The following PPP1R12B variants were observed in gnomAD, a reference collection of about 807,000 sequenced individuals.
The protein encoded by PPP1R12B is myosin phosphatase target subunit 2.
In PPP1R12B, 76 loss-of-function variants were observed where a neutral mutation model predicts 126.1. The observed-to-expected ratio is 0.60, with a 90% CI of 0.50 to 0.73. PPP1R12B has a LOEUF of 0.73. Ranked by LOEUF, PPP1R12B falls within the 30% of genes least tolerant of loss-of-function variation. PPP1R12B has a pLI of 0.00. For missense variants in PPP1R12B, 1,052 were observed against 1,205.1 expected, an observed-to-expected ratio of 0.87 and a Z score of 1.88; for synonymous variants, 356 against 434.7, an observed-to-expected ratio of 0.82 and a Z score of 2.25.
At chr1:202,349,200 T>C in intron 1 of PPP1R12B, 58 bp downstream of exon 1, 1 of 1,588,248 alleles carries the variant, frequency 6.3e-7, no homozygotes, top group Non-Finnish European at 8.6e-7. Flanking sequence ...CCTTTGACCC[T>C]GCGAGCCACC....
chr1:202,504,605 G>A (rs556606444), intron 18 of PPP1R12B, among the ~76,000 whole-genome samples: 1 of 152,264 alleles, frequency 6.6e-6, no homozygotes, highest in East Asian at 1.9e-4. Context: ...TACCTTGCTA[G>A]TGTCACATAG....
rs374888252 is a variant in PPP1R12B at position 202,527,104 on chromosome 1, A to C, written c.2490+30282A>C. Among the ~76,000 whole-genome samples the C allele has an allele frequency of 4.5e-4, 67 of 149,944 alleles. 2 individuals are homozygous for C. Among genetic ancestry groups the C allele is most frequent in the African/African-American group, 1.7e-3 (66 of 39,280 alleles). On this transcript the variant is annotated intron_variant, in intron 18 of 23. Transcript: ENST00000608999. ...TAAAAGCAGAAATTAATGAACAGAA[A>C]ACAGAATAGCAGTAGAAATAGTGTT...
intron 10 of PPP1R12B, chr1:202,439,525 TG>T: frequency 2.6e-6 from 4 of 1,531,222 alleles, no homozygotes; most frequent in Non-Finnish European, 3.6e-6. Flanking sequence ...GCTGTTGCCT[TG>T]GGGGGTGTGG....
At chr1:202,482,276 T>C (rs1352224747) in intron 13 of PPP1R12B, among the ~76,000 whole-genome samples, 6 of 152,232 alleles carry the variant, frequency 3.9e-5, no homozygotes, top group Non-Finnish European at 7.3e-5. Context: ...CTGAATCATA[T>C]GGTAGTTCTA....
At chr1:202,517,578 G>T (rs1682301910) in intron 18 of PPP1R12B, among the ~76,000 whole-genome samples, 2 of 152,060 alleles carry the variant, frequency 1.3e-5, no homozygotes, top group African/African-American at 4.8e-5. Context: ...ATAAGAAAAA[G>T]TGTGTAACCT....
intron 12 of PPP1R12B, among the ~76,000 whole-genome samples, chr1:202,446,914 A>T (rs1297910357): frequency 6.6e-6 from 1 of 152,064 alleles, no homozygotes; most frequent in Non-Finnish European, 1.5e-5. Context: ...GGGTTGCCTG[A>T]TGGTCCAGAA....
Position 202,558,906 on chromosome 1 carries a change from C to T in PPP1R12B, c.2507+13C>T. The T allele has an allele frequency of 1.9e-6, 3 of 1,583,108 alleles. No individual in the cohort carries two copies. The highest frequency in any genetic ancestry group is 2.6e-6 in the Non-Finnish European group (3 of 1,160,912). On this transcript the variant is annotated intron_variant, in intron 19 of 23. Transcript: ENST00000608999. ...AAAGACTTTCTAGGTAAGAACTCTC[C>T]CTGTTATATATGCATGCTTAATACT... is the stretch of plus-strand genomic sequence containing the variant.
chr1:202,502,158 A>G, intron 18 of PPP1R12B: 1 of 985,284 alleles, frequency 1.0e-6, no homozygotes, highest in South Asian at 4.7e-5. Flanking sequence ...GTCCCCATCC[A>G]GAATGCAATC....
At position 202,428,714 on chromosome 1, in the gene PPP1R12B, A is replaced by G. The variant is rs1669852553; in HGVS notation, c.847-141A>G. On this transcript the variant is annotated intron_variant, in intron 5 of 23. Coordinates refer to ENST00000608999, the MANE Select transcript of PPP1R12B (RefSeq NM_002481.4). ...GTGTGATAGATGAAGGTGTTATCAT[A>G]ATGTATGGTAGATTAGTTTGAAAAG... The G allele has an allele frequency of 4.5e-6, 3 of 663,602 alleles. No individual in the cohort carries two copies. In the African/African-American group the frequency reaches 5.6e-5, roughly 12 times the overall value. The allele number at this position is 663,602 out of a possible 1,614,324, so 41.1% of individuals were successfully genotyped here.
In PPP1R12B at chr1:202,452,687, T is replaced by C. The variant is rs1290027209; in HGVS notation, c.1850+3516T>C. Among the ~76,000 whole-genome samples the C allele has an allele frequency of 2.6e-5, 4 of 152,228 alleles. No individual in the cohort carries two copies. The East Asian group carries it at 5.8e-4, about 22-fold the overall frequency. On this transcript the variant is annotated intron_variant, in intron 13 of 23. Transcript: ENST00000608999. ...AGTGCTAGTGACTTTTGTATGTTGA[T>C]TTTGAATTCTGCAACTTTATTGAAT... is the stretch of plus-strand genomic sequence containing the variant.
chr1:202,558,086 A>G (rs999419402), intron 18 of PPP1R12B, among the ~76,000 whole-genome samples: 3 of 152,058 alleles, frequency 2.0e-5, no homozygotes, highest in African/African-American at 4.8e-5. Context: ...TCAGAAAGGG[A>G]AATAATTAAG....
chr1:202,380,080 T>C (rs1661987188), intron 1 of PPP1R12B, among the ~76,000 whole-genome samples: 1 of 152,162 alleles, frequency 6.6e-6, no homozygotes, highest in Non-Finnish European at 1.5e-5. Flanking sequence ...TCATTTGTTA[T>C]TTGCCATCTC....
At chr1:202,371,481 AGT>A (rs373210842) in intron 1 of PPP1R12B, among the ~76,000 whole-genome samples, 46 of 148,398 alleles carry the variant, frequency 3.1e-4, no homozygotes, top group South Asian at 1.1e-3. Flanking sequence ...CATTATTTGG[AGT>A]GTGTGTGTGT....
Position 202,574,852 on chromosome 1 carries a change from C to T in PPP1R12B, c.2863-5622C>T, listed in dbSNP as rs553547708. 3.2e-4 allele frequency: 235 copies of T among 731,222 alleles called. No homozygotes were observed. The African/African-American group carries it at 3.6e-3, about 11-fold the overall frequency. The allele number at this position is 731,222 out of a possible 1,614,324, so 45.3% of individuals were successfully genotyped here. A position where few individuals can be genotyped will look rare whatever the true frequency, so the allele number is the denominator to read the frequency against. ...CACCTGCCACCCATTTGCTCCATGA[C>T]TCCTGCCTTTCTCATTTCCTTTCTT... On this transcript the variant is annotated intron_variant, in intron 23 of 23. Transcript: ENST00000608999.
chr1:202,387,213 C>T (rs559135956), intron 1 of PPP1R12B, among the ~76,000 whole-genome samples: 8 of 152,212 alleles, frequency 5.3e-5, no homozygotes, highest in African/African-American at 1.9e-4. Flanking sequence ...TGCCATTCAG[C>T]CTTAAGTTGG....
chr1:202,353,586 TTGTGTGTGTGTGTGTGTGTGTG>T (rs58683662), intron 1 of PPP1R12B, among the ~76,000 whole-genome samples: 1 of 120,786 alleles, frequency 8.3e-6, no homozygotes, highest in Non-Finnish European at 1.7e-5. Context: ...TTCTTCTTCT[TTGTGTGTGTGTGTGTGTGTGTG>T]TGTGTGTGTG....
chr1:202,540,260 TTACG>T lies in PPP1R12B; in HGVS notation c.2491-18614_2491-18611del, dbSNP rs780850680. ...GCTCCGAGTAAGCAGCATTTTTTAT[TTACG>T]TATGTTCATAGCTGTGTCAAAGGTA... On this transcript the variant is annotated intron_variant, in intron 18 of 23. Coordinates refer to ENST00000608999, the MANE Select transcript of PPP1R12B (RefSeq NM_002481.4). The T allele has an allele frequency of 5.2e-6, 8 of 1,538,986 alleles. No individual in the cohort carries two copies. In the South Asian group the frequency reaches 9.0e-5, roughly 17 times the overall value.
rs7524454 is a variant in PPP1R12B at position 202,407,067 on chromosome 1, T to A, written c.292-9720T>A. Among the ~76,000 whole-genome samples the A allele has an allele frequency of 6.1e-3, 935 of 152,346 alleles. 8 individuals are homozygous for A. The highest frequency in any genetic ancestry group is 0.022 in the African/African-American group (898 of 41,574). ...CAGATTTCATTTTCTGAGCTCTTCATCTTCTTTCTCCTCAACTTTCAAAAA... is the reference window on the plus strand; with the variant it reads ...CAGATTTCATTTTCTGAGCTCTTCAACTTCTTTCTCCTCAACTTTCAAAAA... On this transcript the variant is annotated intron_variant, in intron 1 of 23. Coordinates refer to ENST00000608999, the MANE Select transcript of PPP1R12B (RefSeq NM_002481.4).
intron 13 of PPP1R12B, among the ~76,000 whole-genome samples, chr1:202,451,712 G>A (rs1362881904): frequency 5.3e-5 from 8 of 152,030 alleles, no homozygotes; most frequent in South Asian, 2.1e-4. Flanking sequence ...GGTGGTGGCC[G>A]GGCAGAGGGG....
Sources: gnomAD v4.1 joint callset for allele counts (sites outside exome capture counted in the v4.1 genomes callset) on GRCh38, gnomAD v4.1.1 for gene constraint, MANE v1.5 for transcripts, NCBI Gene and HGNC (gene_info 2026-07-23, HGNC 2026-07-21) for gene names.